CSNK1G1: variants seen among roughly 807,000 people sequenced by gnomAD.
The protein encoded by CSNK1G1 is casein kinase I isoform gamma-1.
In CSNK1G1, 22 loss-of-function variants were observed where a neutral mutation model predicts 59.6. The ratio of observed to expected loss-of-function variants is 0.37; its 90% confidence interval spans 0.26 to 0.53. The LOEUF is 0.53. Among genes scored for constraint, CSNK1G1 ranks in the 20% least tolerant of loss-of-function variants. The pLI, the probability that CSNK1G1 is intolerant of heterozygous loss-of-function variation, is 0.89. For missense variants in CSNK1G1, 384 were observed against 519.5 expected, an observed-to-expected ratio of 0.74 and a Z score of 2.54; for synonymous variants, 179 against 177.1, an observed-to-expected ratio of 1.01 and a Z score of -0.08.
intron 2 of CSNK1G1, among the ~76,000 whole-genome samples, chr15:64,274,067 T>C (rs1488267763): frequency 6.6e-6 from 1 of 152,186 alleles, no homozygotes; most frequent in African/African-American, 2.4e-5. Flanking sequence ...ACACCCAACA[T>C]AGTGGCTGAT....
chr15:64,250,732 T>C (rs1407125665), intron 4 of CSNK1G1, among the ~76,000 whole-genome samples: 3 of 151,108 alleles, frequency 2.0e-5, no homozygotes, highest in African/African-American at 7.3e-5. Context: ...GTGATGGGAG[T>C]GAGACCCTGT....
In CSNK1G1 at chr15:64,171,166, T is replaced by C. The variant is rs920876667; in HGVS notation, c.*765A>G. ...TGCCATGTTTTTGTTTTTGTTTTTT[T>C]TAAAAAAACTAAAAGTGCAACAAAG... On this transcript the variant is annotated 3_prime_UTR_variant, in exon 12 of 12. Transcript: ENST00000303052. The surrounding 1 kb of genome is among the most constrained non-coding windows in gnomAD (Gnocchi z 4.8). 2.0e-5 allele frequency: 3 copies of C among 152,520 alleles called. No homozygotes were observed. Among genetic ancestry groups the C allele is most frequent in the African/African-American group, 7.2e-5 (3 of 41,380 alleles). The allele number at this position is 152,520 out of a possible 1,614,324, so 9.4% of individuals were successfully genotyped here. A position where few individuals can be genotyped will look rare whatever the true frequency, so the allele number is the denominator to read the frequency against.
chr15:64,310,482 A>G (rs747678586), intron 1 of CSNK1G1, among the ~76,000 whole-genome samples: 5 of 151,094 alleles, frequency 3.3e-5, no homozygotes, highest in Non-Finnish European at 4.4e-5. Flanking sequence ...TTGGAAGGCC[A>G]AGACAGAAGG....
At chr15:64,245,904 G>T (rs937331845) in intron 4 of CSNK1G1, among the ~76,000 whole-genome samples, 6 of 152,172 alleles carry the variant, frequency 3.9e-5, no homozygotes, top group African/African-American at 1.4e-4. Flanking sequence ...TTAAAAAGTT[G>T]ATCTCATATA....
intron 2 of CSNK1G1, 114 bp downstream of exon 2, chr15:64,300,205 G>C: frequency 1.1e-6 from 1 of 940,226 alleles, no homozygotes; most frequent in Non-Finnish European, 1.6e-6. Flanking sequence ...TTAACAACAG[G>C]TTCTCCTTAA....
intron 11 of CSNK1G1, among the ~76,000 whole-genome samples, chr15:64,179,074 A>G (rs1398574725): frequency 2.1e-5 from 3 of 140,902 alleles, no homozygotes; most frequent in Non-Finnish European, 4.6e-5. Context: ...TGAAGGTAAA[A>G]TGAGTTCATC....
chr15:64,203,951 T>C (rs1334873892), intron 9 of CSNK1G1, among the ~76,000 whole-genome samples: 1 of 151,974 alleles, frequency 6.6e-6, no homozygotes, highest in East Asian at 1.9e-4. Flanking sequence ...GAGATCAGCC[T>C]GGCCAACATG....
rs768405168 is a variant in CSNK1G1, at chr15:64,229,939, T to TTTTTTTTA, written c.293-13227_293-13226insTAAAAAAA. Among the ~76,000 whole-genome samples the TTTTTTTTA allele has an allele frequency of 3.4e-4, 41 of 121,540 alleles. 1 individual carries two copies. Among genetic ancestry groups the TTTTTTTTA allele is most frequent in the Admixed American group, 7.0e-4 (8 of 11,366 alleles). 79.7% of individuals were successfully genotyped at this position (121,540 alleles called of 152,430 possible). A position where few individuals can be genotyped will look rare whatever the true frequency, so the allele number is the denominator to read the frequency against. On this transcript the variant is annotated intron_variant, in intron 4 of 11. Coordinates refer to ENST00000303052, the MANE Select transcript of CSNK1G1 (RefSeq NM_022048.5). ...TTTTTTTTTTTTTTTTTTTTTTTTT[T>TTTTTTTTA]AAGACAGAATCTCACTCTGTCGCCC...
chr15:64,283,615 C>T (rs1415819823), intron 2 of CSNK1G1, among the ~76,000 whole-genome samples: 1 of 150,922 alleles, frequency 6.6e-6, no homozygotes, highest in African/African-American at 2.4e-5. Context: ...TCCTGAGTAG[C>T]TGGGATTACA....
intron 2 of CSNK1G1, among the ~76,000 whole-genome samples, chr15:64,294,815 G>C (rs1894927051): frequency 6.6e-6 from 1 of 151,176 alleles, no homozygotes; most frequent in African/African-American, 2.4e-5. Flanking sequence ...GGGAGACTGA[G>C]GCAGGAGAAT....
At chr15:64,269,492 AT>A (rs36065606) in intron 2 of CSNK1G1, among the ~76,000 whole-genome samples, 23,736 of 117,094 alleles carry the variant, frequency 0.2, 1,825 homozygotes, top group African/African-American at 0.31. Context: ...TCTGATGGCT[AT>A]TTTTTTTTTT....
intron 1 of CSNK1G1, among the ~76,000 whole-genome samples, chr15:64,338,636 G>A (rs1435767893): frequency 1.6e-5 from 2 of 125,770 alleles, no homozygotes; most frequent in Non-Finnish European, 3.2e-5. Context: ...GGAGGTGCAG[G>A]TTGTGGTGAG....
intron 4 of CSNK1G1, among the ~76,000 whole-genome samples, chr15:64,242,633 T>C (rs1260528514): frequency 6.6e-6 from 1 of 152,206 alleles, no homozygotes; most frequent in Non-Finnish European, 1.5e-5. Context: ...CTAATACGGC[T>C]TCACTACTGA....
chr15:64,214,567 C>T lies in CSNK1G1; in HGVS notation c.445-443G>A, dbSNP rs1018398028. ...TCTTATGCTTATTTGGACAAGACTA[C>T]CCAACCCAGTTTTCGATGTTGTGAG... On this transcript the variant is annotated intron_variant, in intron 5 of 11. Transcript: ENST00000303052. This position sits in a 1 kb window ranked among gnomAD's most constrained non-coding sequence, Gnocchi z 4.3. 6.6e-6 allele frequency among the ~76,000 whole-genome samples: 1 copy of T among 152,200 alleles called. No homozygotes were observed.
intron 10 of CSNK1G1, among the ~76,000 whole-genome samples, chr15:64,182,101 T>G (rs1266348539): frequency 6.9e-6 from 1 of 145,554 alleles, no homozygotes; most frequent in African/African-American, 2.6e-5. Context: ...TCTTGCTCTG[T>G]TGCCCAGGCT....
chr15:64,300,189 TA>T, intron 2 of CSNK1G1, 129 bp downstream of exon 2: 1 of 819,938 alleles, frequency 1.2e-6, no homozygotes, highest in East Asian at 2.4e-5. Context: ...CTTCACAAAT[TA>T]TTTCTTAACA....
intron 3 of CSNK1G1, among the ~76,000 whole-genome samples, chr15:64,252,817 C>G (rs1235128509): frequency 6.6e-6 from 1 of 152,196 alleles, no homozygotes; most frequent in African/African-American, 2.4e-5. Context: ...ACCAATTGAG[C>G]AACTGGCTGG....
At chr15:64,254,553 T>G (rs1892270141) in intron 3 of CSNK1G1, among the ~76,000 whole-genome samples, 1 of 152,080 alleles carries the variant, frequency 6.6e-6, no homozygotes. Flanking sequence ...GGTTTCTGCA[T>G]GTTGGTCAGG....
At chr15:64,247,138 G>C (rs937934957) in intron 4 of CSNK1G1, among the ~76,000 whole-genome samples, 1 of 152,088 alleles carries the variant, frequency 6.6e-6, no homozygotes, top group African/African-American at 2.4e-5. Context: ...AAAACTGAGA[G>C]CTATGCTGGA....
Sources: allele counts gnomAD v4.1 joint callset (sites outside exome capture counted in the v4.1 genomes callset), GRCh38; gene constraint gnomAD v4.1.1; non-coding constraint Gnocchi (gnomAD v3.1); transcripts MANE v1.5; gene names NCBI Gene and HGNC (gene_info 2026-07-23, HGNC 2026-07-21).